Variants in EDAR observed in about 807,000 individuals in gnomAD.
The protein encoded by EDAR is ectodysplasin A receptor.
EDAR carries 38 observed loss-of-function variants against 51.3 expected under a neutral mutation model. The ratio of observed to expected loss-of-function variants is 0.74; its 90% CI spans 0.57 to 0.97. The LOEUF is 0.97. Ranked by LOEUF, EDAR falls within the 50% of genes least tolerant of loss-of-function variation. The probability of loss-of-function intolerance (pLI) is 0.00; values close to 1 mark genes in which losing one functional copy is unlikely to be tolerated. For synonymous variants in EDAR, 227 were observed against 242.1 expected, an observed-to-expected ratio of 0.94 and a Z score of 0.58; for missense variants, 528 against 595.0, an observed-to-expected ratio of 0.89 and a Z score of 1.17.
At chr2:108,977,680 G>T (rs73952589) in intron 1 of EDAR, among the ~76,000 whole-genome samples, 5,519 of 152,182 alleles carry the variant, frequency 0.036, 338 homozygotes, top group African/African-American at 0.12. Context: ...CTCACTAGGA[G>T]TCACTGTTGT....
At chr2:108,976,791 C>T (rs1698330027) in intron 1 of EDAR, among the ~76,000 whole-genome samples, 1 of 152,112 alleles carries the variant, frequency 6.6e-6, no homozygotes, top group African/African-American at 2.4e-5. Flanking sequence ...AGACATACTA[C>T]CATTTTTTTT....
At position 108,962,197 on chromosome 2, in the gene EDAR, G is replaced by A. The variant is rs553666300; in HGVS notation, c.-19+26763C>T. ...GTTCCCTGATGGCAGATGGCGCATT[G>A]CAGATTGCGCTGAGATGCTCGGACG... On this transcript the variant is annotated intron_variant, in intron 1 of 11. Transcript: ENST00000258443. 1.8e-4 allele frequency among the ~76,000 whole-genome samples: 27 copies of A among 152,314 alleles called. 1 individual carries two copies. Among genetic ancestry groups the A allele is most frequent in the Middle Eastern group, 3.4e-3 (1 of 294 alleles).
rs1696842914 is a variant in EDAR, at chr2:108,907,940, G to T, written c.883C>A (p.Gln295Lys). ...AGCAGGCACAGCTCCGGGGAGCCCT[G>T]CTTGTCAGGGGCGGGCTCCTCATCA... ...DSDEEPAPDK[Q>K]GSPELCLLSL... The change falls in exon 10 of 12, where the codon CAG becomes AAG. Residue 295 changes from glutamine (Q) to lysine (K), a missense_variant. Physicochemically the swap from Gln to Lys is moderately conservative, Grantham distance 53. Coordinates refer to ENST00000258443, the MANE Select transcript of EDAR (RefSeq NM_022336.4). 1.2e-6 allele frequency: 2 copies of T among 1,613,596 alleles called. No individual in the cohort carries two copies. The highest frequency in any genetic ancestry group is 1.7e-5 in the Admixed American group (1 of 60,002).
chr2:108,930,157 T>C lies in EDAR; in HGVS notation c.137A>G (p.Glu46Gly). The change falls in exon 3 of 12, where the codon GAG becomes GGG. Residue 46 changes from glutamate (E) to glycine (G), a missense_variant. Coordinates refer to ENST00000258443, the MANE Select transcript of EDAR (RefSeq NM_022336.4). Reference sequence around the variant, plus strand: ...CTCTCCCGGCCCACACGGGGGGCACTCCTGGCACAGCCCCGTAGTCTGGTT... The same window carrying C: ...CTCTCCCGGCCCACACGGGGGGCACCCCTGGCACAGCCCCGTAGTCTGGTT... ...YYNQTTGLCQECPPCGPGEEP... is the reference protein window; with the variant it reads ...YYNQTTGLCQGCPPCGPGEEP... The C allele has an allele frequency of 6.2e-7, 1 of 1,614,032 alleles. No homozygotes were observed. Among genetic ancestry groups the C allele is most frequent in the Non-Finnish European group, 8.5e-7 (1 of 1,180,018 alleles).
intron 5 of EDAR, among the ~76,000 whole-genome samples, chr2:108,917,949 G>T (rs2105418634): frequency 6.6e-6 from 1 of 152,118 alleles, no homozygotes; most frequent in South Asian, 2.1e-4. Flanking sequence ...TGGAAAACAA[G>T]CACCTACTCT....
intron 1 of EDAR, among the ~76,000 whole-genome samples, chr2:108,973,763 C>T (rs1698274274): frequency 6.6e-6 from 1 of 152,222 alleles, no homozygotes; most frequent in African/African-American, 2.4e-5. Context: ...GCTTGGCTTC[C>T]ATCTCACAAT....
chr2:108,979,908 G>A (rs56219654), intron 1 of EDAR, among the ~76,000 whole-genome samples: 1,559 of 152,266 alleles, frequency 0.01, 20 homozygotes, highest in Middle Eastern at 0.02. Context: ...ACTGCTGGGC[G>A]GTGGGAAGCA....
intron 5 of EDAR, among the ~76,000 whole-genome samples, chr2:108,913,191 T>C (rs12998026): frequency 3.7e-4 from 57 of 152,194 alleles, no homozygotes; most frequent in Admixed American, 2.6e-4. Context: ...CCTTGTGATC[T>C]GCCCGCCTCG....
At chr2:108,908,153 T>C in intron 9 of EDAR, 134 bp from the exon 10 acceptor site, 1 of 1,008,830 alleles carries the variant, frequency 9.9e-7, no homozygotes, top group Non-Finnish European at 1.4e-6. Flanking sequence ...AGGTGTTTAC[T>C]GGGCACCTTG....
At chr2:108,923,245 C>T in intron 5 of EDAR, 123 bp downstream of exon 5, 2 of 946,366 alleles carry the variant, frequency 2.1e-6, no homozygotes, top group East Asian at 2.4e-5. Context: ...AGCACTTTCA[C>T]TAGTGCTGTT....
At chr2:108,922,957 T>A (rs1697177244) in intron 5 of EDAR, among the ~76,000 whole-genome samples, 1 of 152,236 alleles carries the variant, frequency 6.6e-6, no homozygotes, top group Non-Finnish European at 1.5e-5. Flanking sequence ...CACATTTATA[T>A]TTTCCTTGGC....
intron 1 of EDAR, among the ~76,000 whole-genome samples, chr2:108,974,081 G>A (rs1264252033): frequency 1.3e-5 from 2 of 152,052 alleles, no homozygotes; most frequent in Non-Finnish European, 2.9e-5. Flanking sequence ...TGTAATCCCA[G>A]CACTTTGGGA....
At chr2:108,906,715 G>T (rs13397131) in intron 10 of EDAR, among the ~76,000 whole-genome samples, 22,423 of 152,206 alleles carry the variant, frequency 0.15, 3,105 homozygotes, top group African/African-American at 0.37. Flanking sequence ...GCCGTGCGGG[G>T]CTCCCATCCC....
chr2:108,947,769 C>G (rs180862919), intron 1 of EDAR, among the ~76,000 whole-genome samples: 2 of 152,152 alleles, frequency 1.3e-5, no homozygotes, highest in Non-Finnish European at 2.9e-5. Context: ...CCCAGGCCTC[C>G]GGGTCTGTGG....
At chr2:108,950,704 T>TA (rs1416125561) in intron 1 of EDAR, among the ~76,000 whole-genome samples, 1 of 152,190 alleles carries the variant, frequency 6.6e-6, no homozygotes, top group Non-Finnish European at 1.5e-5. Context: ...CTGCCCTTGC[T>TA]CCCTTCATGA....
chr2:108,923,373 T>C lies in EDAR; in HGVS notation c.437A>G (p.Lys146Arg). Reference sequence around the variant, plus strand: ...GGAAGGACAAAGACACTCACATTCCTTGGTGTTGGGGGGTGCCAGGAGGCA... The same window carrying C: ...GGAAGGACAAAGACACTCACATTCCCTGGTGTTGGGGGGTGCCAGGAGGCA... ...YSCLLAPPNT[K>R]ECVGATSGAS... The change falls in exon 5 of 12, where the codon AAG becomes AGG. Residue 146 changes from lysine (K) to arginine (R), a missense_variant. Transcript: ENST00000258443. 2 of 1,614,084 alleles carry C rather than the reference T, an allele frequency of 1.2e-6. No individual in the cohort carries two copies. Among genetic ancestry groups the C allele is most frequent in the Non-Finnish European group, 1.7e-6 (2 of 1,179,950 alleles).
chr2:108,942,663 C>G (rs568099706), intron 1 of EDAR, among the ~76,000 whole-genome samples: 1 of 152,366 alleles, frequency 6.6e-6, no homozygotes, highest in Non-Finnish European at 1.5e-5. Context: ...CCTTTCAAGA[C>G]GGCGGGAGCC....
At chr2:108,927,661 C>T (rs1425446917) in intron 4 of EDAR, among the ~76,000 whole-genome samples, 1 of 152,036 alleles carries the variant, frequency 6.6e-6, no homozygotes, top group Non-Finnish European at 1.5e-5. Flanking sequence ...ACTACAGCGG[C>T]CCCCAGCACC....
intron 11 of EDAR, among the ~76,000 whole-genome samples, chr2:108,901,877 G>A (rs1280606530): frequency 8.5e-5 from 13 of 152,178 alleles, no homozygotes; most frequent in Admixed American, 8.5e-4. Flanking sequence ...GCCGAGGTGG[G>A]TATATTGCTT....
Sources: allele counts gnomAD v4.1 joint callset (sites outside exome capture counted in the v4.1 genomes callset), GRCh38; gene constraint gnomAD v4.1.1; transcripts MANE v1.5; gene names NCBI Gene and HGNC (gene_info 2026-07-23, HGNC 2026-07-21).